EFCAB7: variants seen among roughly 807,000 people sequenced by gnomAD.
EFCAB7 encodes the protein EF-hand calcium-binding domain-containing protein 7.
A neutral mutation model predicts 77.1 loss-of-function variants in EFCAB7; 66 were observed. That is an observed-to-expected ratio of 0.86 (90% confidence interval 0.70 to 1.05). The LOEUF is 1.05. Ranked by LOEUF, EFCAB7 falls within the 50% of genes least tolerant of loss-of-function variation. The pLI is 0.00. For synonymous variants in EFCAB7, 225 were observed against 243.3 expected (o/e 0.92, Z 0.70); for missense variants, 638 against 730.5 (o/e 0.87, Z 1.46).
intron 10 of EFCAB7, among the ~76,000 whole-genome samples, chr1:63,559,539 T>C (rs1005092221): frequency 6.6e-6 from 1 of 152,122 alleles, no homozygotes; most frequent in Non-Finnish European, 1.5e-5. Context: ...CTCAACTCAC[T>C]GCAACCCCTG....
chr1:63,583,273 T>G, the EFCAB7 span, among the ~76,000 whole-genome samples: 1 of 152,034 alleles, frequency 6.6e-6, no homozygotes, highest in Non-Finnish European at 1.5e-5. Flanking sequence ...TCTATAAAGG[T>G]GCTAAACTCT....
Position 63,531,833 on chromosome 1 carries a change from AG to A in EFCAB7, c.203del (p.Gly68GlufsTer20). On this transcript the variant is annotated frameshift_variant, in exon 3 of 14. Coordinates refer to ENST00000371088, the MANE Select transcript of EFCAB7 (RefSeq NM_032437.4). LOFTEE classifies it high-confidence loss of function. ...DQLYLALQHA[G>X]RNPSQKTINK... ...CTTGTTGGGCAGCTCTTCAGCATGC[AG>A]GAAGAAATCCATCCCAAAAGACCAT... 6.2e-7 allele frequency: 1 copy of A among 1,611,724 alleles called. No individual in the cohort carries two copies. Among genetic ancestry groups the A allele is most frequent in the Non-Finnish European group, 8.5e-7 (1 of 1,179,110 alleles).
At chr1:63,540,906 T>G (rs1317891206) in intron 6 of EFCAB7, among the ~76,000 whole-genome samples, 1 of 151,794 alleles carries the variant, frequency 6.6e-6, no homozygotes, top group Non-Finnish European at 1.5e-5. Context: ...AATAGAAAAC[T>G]TGTATAAATT....
At chr1:63,577,218 A>ATATGG (rs566852191), downstream of EFCAB7, among the ~76,000 whole-genome samples, 284 of 152,244 alleles carry the variant, frequency 1.9e-3, no homozygotes, top group African/African-American at 6.6e-3. Flanking sequence ...AAAGACTTAC[A>ATATGG]TATGATAAAG....
chr1:63,543,271 G>A (rs545923321), intron 6 of EFCAB7, among the ~76,000 whole-genome samples: 17 of 152,194 alleles, frequency 1.1e-4, no homozygotes, highest in African/African-American at 3.9e-4. Flanking sequence ...TTATTTATGG[G>A]CTATCCATTC....
rs774682046 is a variant in EFCAB7 at position 63,557,247 on chromosome 1, G to A, written c.1348G>A (p.Glu450Lys). The A allele has an allele frequency of 2.0e-5, 32 of 1,593,960 alleles. No homozygotes were observed. The highest frequency in any genetic ancestry group is 2.6e-5 in the Non-Finnish European group (31 of 1,175,384). ...TGAAGATGCTTGGGCTGTCTGCAGA[G>A]GTAAGCACTTTTCTTTTCCTTAACA... ...CDEDAWAVCRENFDTKRNELT... is the reference protein window; with the variant it reads ...CDEDAWAVCRKNFDTKRNELT... Residue 450 changes from glutamate to lysine, a missense_variant and splice_region_variant, in exon 10 of 14, where the codon GAG becomes AAG. By Grantham distance (56) the Glu-to-Lys change is moderately conservative. Coordinates refer to ENST00000371088, the MANE Select transcript of EFCAB7 (RefSeq NM_032437.4).
At chr1:63,575,004 T>C (rs558216300), downstream of EFCAB7, among the ~76,000 whole-genome samples, 6 of 152,316 alleles carry the variant, frequency 3.9e-5, no homozygotes, top group South Asian at 1.2e-3. Flanking sequence ...CTTTAGCATA[T>C]TTATAAATTA....
At chr1:63,553,744 G>A (rs980878252) in intron 8 of EFCAB7, among the ~76,000 whole-genome samples, 9 of 152,226 alleles carry the variant, frequency 5.9e-5, no homozygotes, top group Non-Finnish European at 1.3e-4. Context: ...TGCCAGGGCA[G>A]AAATGGAACT....
intron 2 of EFCAB7, 139 bp from the exon 3 acceptor site, chr1:63,531,681 A>T: frequency 1.3e-6 from 1 of 751,160 alleles, no homozygotes; most frequent in East Asian, 2.9e-5. Flanking sequence ...TCACTAGATA[A>T]GTCAACACCA....
intron 6 of EFCAB7, among the ~76,000 whole-genome samples, chr1:63,540,100 C>T (rs970642930): frequency 3.9e-5 from 6 of 152,076 alleles, no homozygotes; most frequent in South Asian, 2.1e-4. Flanking sequence ...CAGTGGCTCA[C>T]GCCTGTAATC....
chr1:63,539,816 C>A (rs1646806692), intron 6 of EFCAB7, among the ~76,000 whole-genome samples: 1 of 152,156 alleles, frequency 6.6e-6, no homozygotes, highest in African/African-American at 2.4e-5. Context: ...TGATTGAAAG[C>A]ATTTAAATGT....
downstream of EFCAB7, among the ~76,000 whole-genome samples, chr1:63,573,970 G>A (rs2100934568): frequency 6.6e-6 from 1 of 152,264 alleles, no homozygotes; most frequent in Admixed American, 6.5e-5. Context: ...GTATAGAGGT[G>A]GGAAGGCCAA....
chr1:63,558,879 T>G (rs1184177829), intron 10 of EFCAB7, among the ~76,000 whole-genome samples: 4 of 151,840 alleles, frequency 2.6e-5, no homozygotes. Flanking sequence ...TTTAGAGCAA[T>G]TTTAGGTTTA....
intron 7 of EFCAB7, among the ~76,000 whole-genome samples, chr1:63,546,547 T>C (rs1646900966): frequency 6.6e-6 from 1 of 152,098 alleles, no homozygotes; most frequent in East Asian, 1.9e-4. Flanking sequence ...TTTGTATTTT[T>C]AGTAGAGACA....
intron 11 of EFCAB7, 106 bp from the exon 12 acceptor site, chr1:63,568,204 G>A: frequency 1.0e-6 from 1 of 960,758 alleles, no homozygotes; most frequent in Non-Finnish European, 1.5e-6. Context: ...AAGTTTATTA[G>A]AAGGACAAGC....
At chr1:63,559,300 T>C (rs1463942430) in intron 10 of EFCAB7, among the ~76,000 whole-genome samples, 1 of 25,920 alleles carries the variant, frequency 3.9e-5, no homozygotes, top group Non-Finnish European at 6.0e-5. Flanking sequence ...AGACTCTGTC[T>C]CAAAAAAAAA....
chr1:63,550,094 A>C (rs1646947666), intron 7 of EFCAB7: 1 of 152,358 alleles, frequency 6.6e-6, no homozygotes, highest in Non-Finnish European at 1.5e-5. Flanking sequence ...AAAAATTTTA[A>C]GCCAGTTTTA....
downstream of EFCAB7, among the ~76,000 whole-genome samples, chr1:63,572,917 G>T (rs1215124366): frequency 1.3e-5 from 2 of 152,038 alleles, no homozygotes; most frequent in Non-Finnish European, 2.9e-5. Context: ...GGTGCTCAGT[G>T]GGGGAGCTTT....
At chr1:63,562,470 TATATATATATATATATATATATATAA>T (rs1252970612) in intron 11 of EFCAB7, among the ~76,000 whole-genome samples, 7 of 80,566 alleles carry the variant, frequency 8.7e-5, no homozygotes, top group African/African-American at 4.3e-4. Context: ...TATATATATA[TATATATATATATATATATATATATAA>T]AACTTTTTTT....
Sources: gnomAD v4.1 joint callset for allele counts (sites outside exome capture counted in the v4.1 genomes callset) on GRCh38, gnomAD v4.1.1 for gene constraint, MANE v1.5 for transcripts, NCBI Gene and HGNC (gene_info 2026-07-23, HGNC 2026-07-21) for gene names.